The following ZNF850 variants were observed in gnomAD, a reference collection of about 807,000 sequenced individuals.
The protein encoded by ZNF850 is zinc finger protein 850.
Under a neutral mutation model 11.9 loss-of-function variants are expected in ZNF850, and 2 were observed. The ratio of observed to expected loss-of-function variants is 0.17; its 90% CI spans 0.07 to 0.53. The LOEUF is 0.53. ZNF850 is among the 20% of genes least tolerant of loss of function. The probability of loss-of-function intolerance (pLI) is 0.94; values close to 1 mark genes in which losing one functional copy is unlikely to be tolerated. For synonymous variants in ZNF850, 381 were observed against 443.0 expected (o/e 0.86, Z 1.76); for missense variants, 1,014 against 1,316.4 (o/e 0.77, Z 3.55).
At chr19:36,760,323 T>C (rs933678914) in intron 4 of ZNF850, among the ~76,000 whole-genome samples, 1 of 152,016 alleles carries the variant, frequency 6.6e-6, no homozygotes, top group Non-Finnish European at 1.5e-5. Flanking sequence ...GGCGCGTGCC[T>C]GTAATCTTAG....
At chr19:36,769,789 G>C (rs1185852342) in intron 1 of ZNF850, among the ~76,000 whole-genome samples, 1 of 152,076 alleles carries the variant, frequency 6.6e-6, no homozygotes, top group Non-Finnish European at 1.5e-5. Flanking sequence ...CTCCCCATCA[G>C]CAAGCAAGGA....
In ZNF850 at chr19:36,748,863, T is replaced by C. The variant is rs752680577; in HGVS notation, c.2177A>G (p.Glu726Gly). The change falls in exon 5 of 5, where the codon GAG becomes GGG. Residue 726 changes from glutamate to glycine, a missense_variant. Glu to Gly is a moderately conservative substitution (Grantham distance 98). Around this residue, in one of 2 missense-constraint regions of ZNF850, gnomAD observed 835 missense variants for 1,022.0 expected, o/e 0.82. Transcript: ENST00000591344. ...ACATTCCTTACCATCATAGGGTTTC[T>C]CATCAGTGTGATTTTGCTGATGTTG... Reference protein sequence around the residue: ...LIQHQQNHTDEKPYDGKECGK... With the variant: ...LIQHQQNHTDGKPYDGKECGK... 3.2e-6 allele frequency: 5 copies of C among 1,550,624 alleles called. No individual in the cohort carries two copies. The highest frequency in any genetic ancestry group is 4.3e-6 in the Non-Finnish European group (5 of 1,151,830).
intron 4 of ZNF850, among the ~76,000 whole-genome samples, chr19:36,756,996 T>A (rs924604974): frequency 6.6e-6 from 1 of 152,196 alleles, no homozygotes; most frequent in Non-Finnish European, 1.5e-5. Context: ...AATTAGCTAC[T>A]TCTTTTATTT....
intron 4 of ZNF850, among the ~76,000 whole-genome samples, chr19:36,754,760 T>G (rs547677582): frequency 1.3e-5 from 2 of 152,172 alleles, no homozygotes; most frequent in Non-Finnish European, 2.9e-5. Flanking sequence ...TTTCACCATC[T>G]TGACCAGCCT....
chr19:36,756,076 T>C lies in ZNF850; in HGVS notation c.236-5272A>G, dbSNP rs187644104. 4.6e-4 allele frequency among the ~76,000 whole-genome samples: 70 copies of C among 152,134 alleles called. 1 individual carries two copies. The highest frequency in any genetic ancestry group is 1.6e-3 in the African/African-American group (66 of 41,506). On this transcript the variant is annotated intron_variant, in intron 4 of 4. Transcript: ENST00000591344. Reference sequence around the variant, plus strand: ...GCCCGCCATGACACCCAGCTAATGTTTGTGTTTTTAGTAGAGACGGGGTTT... The same window carrying C: ...GCCCGCCATGACACCCAGCTAATGTCTGTGTTTTTAGTAGAGACGGGGTTT...
At position 36,747,251 on chromosome 19, in the gene ZNF850, A is replaced by G. The variant is rs896214801; in HGVS notation, c.*516T>C. The G allele has an allele frequency of 2.0e-5, 3 of 153,034 alleles. No individual in the cohort carries two copies. The highest frequency in any genetic ancestry group is 4.4e-5 in the Non-Finnish European group (3 of 68,626). 9.5% of individuals were successfully genotyped at this position (153,034 alleles called of 1,614,324 possible). Reference sequence around the variant, plus strand: ...ACAGAGAATTTACATAACTAGCCTAATGTCACGTAGGTAGTAAATGGTTGT... The same window carrying G: ...ACAGAGAATTTACATAACTAGCCTAGTGTCACGTAGGTAGTAAATGGTTGT... On this transcript the variant is annotated 3_prime_UTR_variant, in exon 5 of 5. Transcript: ENST00000591344.
chr19:36,768,099 AAAAATAAAAT>A (rs978523527), intron 1 of ZNF850, among the ~76,000 whole-genome samples: 1 of 152,062 alleles, frequency 6.6e-6, no homozygotes, highest in Non-Finnish European at 1.5e-5. Context: ...CCGTCTCTGC[AAAAATAAAAT>A]AAAATAAAAT....
At chr19:36,763,619 A>G (rs1166987092) in intron 1 of ZNF850, among the ~76,000 whole-genome samples, 1 of 152,014 alleles carries the variant, frequency 6.6e-6, no homozygotes, top group Non-Finnish European at 1.5e-5. Context: ...AATAGTATAG[A>G]TAGCACTTCG....
At chr19:36,769,502 A>G (rs2040569252) in intron 1 of ZNF850, among the ~76,000 whole-genome samples, 1 of 150,996 alleles carries the variant, frequency 6.6e-6, no homozygotes, top group East Asian at 2.0e-4. Context: ...TGGTAGGCTG[A>G]GGTAGGAGGA....
chr19:36,743,838 TTTTC>T lies in ZNF850; in HGVS notation c.*3925_*3928del, dbSNP rs2040395759. The T allele has an allele frequency of 6.6e-6, 1 of 152,190 alleles. No homozygotes were observed. The highest frequency in any genetic ancestry group is 2.1e-4 in the South Asian group (1 of 4,828). 9.4% of individuals were successfully genotyped at this position (152,190 alleles called of 1,614,324 possible). A position where few individuals can be genotyped will look rare whatever the true frequency, so the allele number is the denominator to read the frequency against. On this transcript the variant is annotated 3_prime_UTR_variant, in exon 5 of 5. Transcript: ENST00000591344. The stretch of plus-strand genomic sequence containing the variant: ...GTCGTAAAGATGTCAATAATGATTC[TTTTC>T]TTTCTAATACTATGGCAGAGGAGAA...
chr19:36,770,577 G>A (rs1314111454), intron 1 of ZNF850, among the ~76,000 whole-genome samples: 4 of 151,658 alleles, frequency 2.6e-5, no homozygotes, highest in Non-Finnish European at 4.4e-5. Flanking sequence ...GTGGTGGCGC[G>A]TGCCTGTAGT....
At chr19:36,764,237 C>T (rs752320900) in intron 1 of ZNF850, among the ~76,000 whole-genome samples, 18 of 152,012 alleles carry the variant, frequency 1.2e-4, no homozygotes, top group Non-Finnish European at 2.1e-4. Flanking sequence ...ATCAAGACTC[C>T]GTCTCAAAAA....
rs574192391 is a variant in ZNF850, at chr19:36,749,743, C to T, written c.1297G>A (p.Gly433Ser). ...CKECGKSFTA[G>S]STLIQHQRIH... ...CGCTGATGTTGAATTAGTGTTGAGCCAGCAGTAAAAGATTTTCCACATTCT... is the reference window on the plus strand; with the variant it reads ...CGCTGATGTTGAATTAGTGTTGAGCTAGCAGTAAAAGATTTTCCACATTCT... The change falls in exon 5 of 5, where the codon GGC (glycine) becomes AGC (serine). Residue 433 changes from glycine (G) to serine (S), a missense_variant. Physicochemically the swap from Gly to Ser is moderately conservative, Grantham distance 56 (BLOSUM62 0). Around this residue, in one of 2 missense-constraint regions of ZNF850, gnomAD observed 835 missense variants for 1,022.0 expected, o/e 0.82. Coordinates refer to ENST00000591344, the MANE Select transcript of ZNF850 (RefSeq NM_001193552.2). 11 of 1,552,514 alleles carry T rather than the reference C, an allele frequency of 7.1e-6. No homozygotes were observed. The Admixed American group carries it at 1.9e-4, about 27-fold the overall frequency.
At chr19:36,753,375 G>T in intron 4 of ZNF850, among the ~76,000 whole-genome samples, 1 of 133,712 alleles carries the variant, frequency 7.5e-6, no homozygotes. Flanking sequence ...GATTACCAGA[G>T]CCCAGGAGTT....
Position 36,762,310 on chromosome 19 carries a change from G to A in ZNF850, c.134C>T (p.Ser45Leu). 1 of 1,560,576 alleles carries A rather than the reference G, an allele frequency of 6.4e-7. No homozygotes were observed. Among genetic ancestry groups the A allele is most frequent in the Non-Finnish European group, 8.6e-7 (1 of 1,161,888 alleles). Residue 45 changes from serine (S) to leucine (L), a missense_variant, in exon 3 of 5, where the codon TCA (serine) becomes TTA (leucine). By Grantham distance (145) the Ser-to-Leu change is moderately radical. Coordinates refer to ENST00000591344, the MANE Select transcript of ZNF850 (RefSeq NM_001193552.2). ...TTGCGGATAGACATCCTTACCTAGT[G>A]AGACCAGGCTGCTGTAGTTCTCCAT... Reference protein sequence around the residue: ...VMMENYSSLVSLGLSIPKPDV... With the variant: ...VMMENYSSLVLLGLSIPKPDV...
chr19:36,753,445 A>AAAAAAAAC (rs2040466581), intron 4 of ZNF850, among the ~76,000 whole-genome samples: 1 of 146,608 alleles, frequency 6.8e-6, no homozygotes, highest in Non-Finnish European at 1.5e-5. Flanking sequence ...AAAAAAAAAA[A>AAAAAAAAC]AGCCGGGTGT....
chr19:36,769,373 G>A (rs2040568653), intron 1 of ZNF850, among the ~76,000 whole-genome samples: 1 of 151,932 alleles, frequency 6.6e-6, no homozygotes, highest in South Asian at 2.1e-4. Context: ...GCAGAGGTAG[G>A]AGGATCACTT....
At chr19:36,769,950 T>A (rs1429638179) in intron 1 of ZNF850, among the ~76,000 whole-genome samples, 6 of 152,200 alleles carry the variant, frequency 3.9e-5, no homozygotes, top group Admixed American at 3.9e-4. Flanking sequence ...CTCTACAACT[T>A]CTGACTGACG....
rs1398987296 is a variant in ZNF850 at position 36,744,276 on chromosome 19, T to TA, written c.*3490dup. ...CTTCATTGTGCTTTTCTCTGCTCTT[T>TA]AAAAAATTCTACTTTTTTCATAAAA... On this transcript the variant is annotated 3_prime_UTR_variant, in exon 5 of 5. Coordinates refer to ENST00000591344, the MANE Select transcript of ZNF850 (RefSeq NM_001193552.2). The TA allele has an allele frequency of 6.6e-6, 1 of 152,180 alleles. No homozygotes were observed. Among genetic ancestry groups the TA allele is most frequent in the Non-Finnish European group, 1.5e-5 (1 of 68,040 alleles). 9.4% of individuals were successfully genotyped at this position (152,180 alleles called of 1,614,324 possible). A position where few individuals can be genotyped will look rare whatever the true frequency, so the allele number is the denominator to read the frequency against.
Sources: gnomAD v4.1 joint callset for allele counts (sites outside exome capture counted in the v4.1 genomes callset) on GRCh38, gnomAD v4.1.1 for gene constraint, gnomAD v4.1.1 regional missense constraint, MANE v1.5 for transcripts, NCBI Gene and HGNC (gene_info 2026-07-23, HGNC 2026-07-21) for gene names.